Variants in FLT4 observed in about 807,000 individuals in gnomAD.
FLT4 encodes fms related receptor tyrosine kinase 4.
FLT4 carries 30 observed loss-of-function variants against 163.2 expected under a neutral mutation model. The observed-to-expected ratio is 0.18, with a 90% confidence interval of 0.14 to 0.25. The LOEUF is 0.25. Ranked by LOEUF, FLT4 falls within the 10% of genes least tolerant of loss-of-function variation. The pLI is 1.00. For synonymous variants in FLT4, 884 were observed against 789.5 expected (o/e 1.12, Z -2.01); for missense variants, 1,510 against 1,863.8 (o/e 0.81, Z 3.50).
chr5:180,633,181 C>A (rs912745963), intron 1 of FLT4, among the ~76,000 whole-genome samples: 1 of 152,218 alleles, frequency 6.6e-6, no homozygotes, highest in Non-Finnish European at 1.5e-5. Flanking sequence ...TTCGGCCTCA[C>A]ACGGGCAATG....
In FLT4 at chr5:180,619,269, C is replaced by T. The variant is rs756269925; in HGVS notation, c.2745G>A (p.Ala915=). ...NHLNVVNLLG[A]CTKPQGPLMV... ...GCTCCGTACCCTGCGGCTTGGTGCA[C>T]GCCCCGAGGAGGTTGACCACGTTGA... Residue 915 remains alanine (A), a synonymous_variant, in exon 19 of 30, where the codon GCG becomes GCA. Transcript: ENST00000261937. The T allele has an allele frequency of 8.1e-6, 13 of 1,609,424 alleles. No individual in the cohort carries two copies. The highest frequency in any genetic ancestry group is 6.7e-5 in the East Asian group (3 of 44,732).
At position 180,630,715 on chromosome 5, in the gene FLT4, C is replaced by G; in HGVS notation, c.240G>C (p.Val80=). The part of the protein sequence containing the change: ...TGDKDSEDTG[V]VRDCEGTDAR... The stretch of plus-strand genomic sequence containing the variant: ...CGTCTGTGCCCTCGCAGTCTCGCAC[C>G]ACCCCCGTGTCCTCGCTGTCCTTGT... The change falls in exon 3 of 30, where the codon GTG becomes GTC. Residue 80 remains valine (V), a synonymous_variant. Coordinates refer to ENST00000261937, the MANE Select transcript of FLT4 (RefSeq NM_182925.5). The surrounding 1 kb of genome is among the most constrained non-coding windows in gnomAD (Gnocchi z 6.3). 6.2e-7 allele frequency: 1 copy of G among 1,612,306 alleles called. No homozygotes were observed. The highest frequency in any genetic ancestry group is 8.5e-7 in the Non-Finnish European group (1 of 1,179,952).
intron 1 of FLT4, among the ~76,000 whole-genome samples, chr5:180,646,550 T>C (rs1765504240): frequency 6.6e-6 from 1 of 152,170 alleles, no homozygotes; most frequent in Non-Finnish European, 1.5e-5. Context: ...AGGAAGCCCT[T>C]AGCTGGAAGT....
chr5:180,619,147 C>A (rs759327818), intron 19 of FLT4, 38 bp from the exon 20 acceptor site: 6 of 1,408,852 alleles, frequency 4.3e-6, no homozygotes, highest in East Asian at 6.4e-5. Flanking sequence ...CGTTCGGAAC[C>A]CGGGGCGCGC....
chr5:180,631,859 T>A, intron 1 of FLT4, 81 bp from the exon 2 acceptor site: 6 of 997,776 alleles, frequency 6.0e-6, no homozygotes, highest in Non-Finnish European at 9.4e-6. Flanking sequence ...GCATTCTGCA[T>A]CGCAAGCGCA....
chr5:180,610,631 C>T (rs1413256405), intron 27 of FLT4, among the ~76,000 whole-genome samples: 3 of 152,206 alleles, frequency 2.0e-5, no homozygotes, highest in Non-Finnish European at 4.4e-5. Flanking sequence ...CTGCCCACGC[C>T]TCATAGTTGG....
Position 180,629,977 on chromosome 5 carries a change from GTCCT to G in FLT4, c.638_641del (p.Gln213ProfsTer31). 6.2e-7 allele frequency: 1 copy of G among 1,612,910 alleles called. No individual in the cohort carries two copies. The highest frequency in any genetic ancestry group is 8.5e-7 in the Non-Finnish European group (1 of 1,180,030). On this transcript the variant is annotated frameshift_variant, in exon 5 of 30. Coordinates refer to ENST00000261937, the MANE Select transcript of FLT4 (RefSeq NM_182925.5). LOFTEE classifies it high-confidence loss of function. ...GCACCAGGAAGGGGTTGGAAAGGAA[GTCCT>G]GGTCTCCCCAGGTGGTCTCGCACTG...
At position 180,603,290 on chromosome 5, in the gene FLT4, A is replaced by C; in HGVS notation, c.3994T>G (p.Phe1332Val). 6.2e-7 allele frequency: 1 copy of C among 1,613,984 alleles called. No individual in the cohort carries two copies. The highest frequency in any genetic ancestry group is 8.5e-7 in the Non-Finnish European group (1 of 1,180,002). ...AGCTCCCCATACTCGCTGTTGTAAA[A>C]CACCTGGCCTCCTCGGGCCCCCCGC... is the stretch of plus-strand genomic sequence containing the variant. ...PERGARGGQV[F>V]YNSEYGELSE... The change falls in exon 30 of 30, where the codon TTT (phenylalanine) becomes GTT (valine). Residue 1332 changes from phenylalanine (F) to valine (V), a missense_variant. By Grantham distance (50) the Phe-to-Val change is conservative. This residue lies in a region of FLT4 where 295 missense variants were observed against 311.0 expected (regional missense o/e 0.95). Transcript: ENST00000261937.
rs574835397 is a variant in FLT4 at position 180,623,597 on chromosome 5, G to A, written c.1548+338C>T. ...CCCAGGCTGCGCCAGCGGCTCAGCA[G>A]CCCTCTGTGCAGACCTGGTCAGCCT... On this transcript the variant is annotated intron_variant, in intron 11 of 29. Transcript: ENST00000261937. This position sits in a 1 kb window ranked among gnomAD's most constrained non-coding sequence, Gnocchi z 5.8. Among the ~76,000 whole-genome samples the A allele has an allele frequency of 3.2e-4, 48 of 152,322 alleles. No individual in the cohort carries two copies. In the East Asian group the frequency reaches 8.7e-3, roughly 28 times the overall value.
intron 13 of FLT4, 131 bp from the exon 14 acceptor site, chr5:180,621,383 G>A: frequency 7.1e-7 from 1 of 1,399,108 alleles, no homozygotes; most frequent in Non-Finnish European, 9.6e-7. Flanking sequence ...GCAGGAGCGC[G>A]GCGCGCCTCC....
chr5:180,642,556 A>ACT (rs1172629279), intron 1 of FLT4, among the ~76,000 whole-genome samples: 2 of 150,434 alleles, frequency 1.3e-5, no homozygotes, highest in African/African-American at 4.9e-5. Flanking sequence ...CGCTGGATGT[A>ACT]CTCTCTCTCT....
chr5:180,610,176 G>C, intron 27 of FLT4, 151 bp from the exon 28 acceptor site: 1 of 1,072,446 alleles, frequency 9.3e-7, no homozygotes, highest in Non-Finnish European at 1.4e-6. Flanking sequence ...TGCTGGCAGG[G>C]GCTCCTCCGT....
intron 29 of FLT4, among the ~76,000 whole-genome samples, chr5:180,607,198 G>A (rs1467771212): frequency 1.3e-5 from 2 of 152,156 alleles, no homozygotes; most frequent in Admixed American, 6.5e-5. Context: ...TTTTCCCCTG[G>A]CTGTCATGTT....
intron 1 of FLT4, among the ~76,000 whole-genome samples, chr5:180,644,709 C>T (rs555085753): frequency 6.6e-6 from 1 of 152,378 alleles, no homozygotes; most frequent in African/African-American, 2.4e-5. Context: ...CCATTTCACA[C>T]GGAGGTGTGG....
chr5:180,606,170 T>C (rs1761770318), intron 29 of FLT4, among the ~76,000 whole-genome samples: 1 of 152,210 alleles, frequency 6.6e-6, no homozygotes, highest in South Asian at 2.1e-4. Flanking sequence ...GTTTCTCAAA[T>C]GAACAAATCC....
chr5:180,634,006 C>T (rs2127845521), intron 1 of FLT4, among the ~76,000 whole-genome samples: 1 of 152,284 alleles, frequency 6.6e-6, no homozygotes, highest in Non-Finnish European at 1.5e-5. Context: ...GCTGTCAGCC[C>T]AGCTTCCTCT....
At chr5:180,629,603 G>A (rs1215789121) in intron 6 of FLT4, 93 bp downstream of exon 6, 11 of 1,509,642 alleles carry the variant, frequency 7.3e-6, no homozygotes, top group Non-Finnish European at 9.9e-6. Context: ...GCAGGCCTGG[G>A]CCCACACATC....
chr5:180,640,768 T>C (rs188762305), intron 1 of FLT4, among the ~76,000 whole-genome samples: 52 of 152,310 alleles, frequency 3.4e-4, no homozygotes, highest in Middle Eastern at 3.4e-3. Flanking sequence ...CTGCGTCCCT[T>C]GTTCTGTACA....
At chr5:180,616,225 C>T in intron 23 of FLT4, 142 bp downstream of exon 23, 1 of 1,213,406 alleles carries the variant, frequency 8.2e-7, no homozygotes, top group South Asian at 1.3e-5. Context: ...AGGAGGTCCA[C>T]CAGCAGCTGG....
Sources: gnomAD v4.1 joint callset for allele counts (sites outside exome capture counted in the v4.1 genomes callset) on GRCh38, gnomAD v4.1.1 for gene constraint, gnomAD v4.1.1 regional missense constraint, Gnocchi (gnomAD v3.1) non-coding constraint, MANE v1.5 for transcripts, NCBI Gene and HGNC (gene_info 2026-07-23, HGNC 2026-07-21) for gene names.